The following ADAM22 variants were observed in gnomAD, a reference collection of about 807,000 sequenced individuals.
ADAM22 encodes disintegrin and metalloproteinase domain-containing protein 22.
ADAM22 carries 65 observed loss-of-function variants against 144.6 expected under a neutral mutation model. The ratio of observed to expected loss-of-function variants is 0.45; its 90% CI spans 0.37 to 0.55. The LOEUF is 0.55. Among genes scored for constraint, ADAM22 ranks in the 20% least tolerant of loss-of-function variants. ADAM22 has a pLI of 0.00. For missense variants in ADAM22, 974 were observed against 1,184.9 expected (o/e 0.82, Z 2.61); for synonymous variants, 391 against 412.6 (o/e 0.95, Z 0.63).
At chr7:88,114,517 T>A in intron 5 of ADAM22, 67 bp from the exon 6 acceptor site, 1 of 1,516,990 alleles carries the variant, frequency 6.6e-7, no homozygotes, top group Non-Finnish European at 9.1e-7. Flanking sequence ...TGCTGCTGAT[T>A]TTAAAATGAT....
intron 4 of ADAM22, among the ~76,000 whole-genome samples, chr7:88,103,648 A>G (rs563590104): frequency 6.6e-6 from 1 of 152,324 alleles, no homozygotes; most frequent in African/African-American, 2.4e-5. Context: ...AATAAGGAAT[A>G]AAGCTATGAC....
chr7:88,034,192 G>A (rs1170645797), intron 3 of ADAM22, among the ~76,000 whole-genome samples: 6 of 152,112 alleles, frequency 3.9e-5, no homozygotes, highest in Non-Finnish European at 5.9e-5. Flanking sequence ...CCAGGCCCAC[G>A]GCATGTACTG....
intron 1 of ADAM22, 110 bp downstream of exon 1, chr7:87,934,660 ATTTTTT>A (rs57360340): frequency 6.8e-5 from 48 of 704,810 alleles, no homozygotes; most frequent in African/African-American, 1.9e-4. Flanking sequence ...GCGCGGGGAG[ATTTTTT>A]TTTTTTTTTT....
chr7:88,078,287 G>C (rs1366625646), intron 4 of ADAM22, among the ~76,000 whole-genome samples: 2 of 152,252 alleles, frequency 1.3e-5, no homozygotes, highest in Admixed American at 1.3e-4. Flanking sequence ...TGCAGCTGAG[G>C]GTCCTGACTA....
chr7:87,966,721 GTTTTTTTTTT>G (rs71120012), intron 2 of ADAM22, among the ~76,000 whole-genome samples: 20 of 39,880 alleles, frequency 5.0e-4, no homozygotes, highest in African/African-American at 8.0e-4. Flanking sequence ...AAGGAAAGCC[GTTTTTTTTTT>G]TTTTTTTTTT....
chr7:87,989,543 C>G (rs1164840610), intron 3 of ADAM22, among the ~76,000 whole-genome samples: 1 of 152,132 alleles, frequency 6.6e-6, no homozygotes, highest in Non-Finnish European at 1.5e-5. Flanking sequence ...GCTATATAGC[C>G]TGGTTAGTAG....
intron 3 of ADAM22, among the ~76,000 whole-genome samples, chr7:87,983,585 A>G (rs1854240386): frequency 6.6e-6 from 1 of 152,152 alleles, no homozygotes; most frequent in Non-Finnish European, 1.5e-5. Context: ...TAGTTTGACA[A>G]TAACATGAAT....
At position 87,978,399 on chromosome 7, in the gene ADAM22, G is replaced by A. The variant is rs1852425973; in HGVS notation, c.310G>A (p.Val104Ile). The A allele has an allele frequency of 6.2e-7, 1 of 1,613,598 alleles. No individual in the cohort carries two copies. The highest frequency in any genetic ancestry group is 8.5e-7 in the Non-Finnish European group (1 of 1,179,766). Residue 104 changes from valine (V) to isoleucine (I), a missense_variant, in exon 3 of 32, where the codon GTC (valine) becomes ATC (isoleucine). Physicochemically the swap from Val to Ile is conservative, Grantham distance 29. This residue lies in a region of ADAM22 where 240 missense variants were observed against 234.3 expected (regional missense o/e 1.02). Transcript: ENST00000413139. ...DAFGTSFILDVVLNHDLLSSE... is the reference protein window; with the variant it reads ...DAFGTSFILDIVLNHDLLSSE... Reference sequence around the variant, plus strand: ...CTTTGGAACGTCATTCATTCTCGATGTCGTGCTAAATCAGTAAGTGTTGAG... The same window carrying A: ...CTTTGGAACGTCATTCATTCTCGATATCGTGCTAAATCAGTAAGTGTTGAG...
At chr7:88,054,354 G>A (rs747808091) in intron 3 of ADAM22, among the ~76,000 whole-genome samples, 11 of 151,750 alleles carry the variant, frequency 7.2e-5, no homozygotes, top group Non-Finnish European at 1.5e-4. Flanking sequence ...TGGCTTCCCC[G>A]TAGGGCCCTG....
At chr7:87,966,721 G>T (rs1188117893) in intron 2 of ADAM22, among the ~76,000 whole-genome samples, 79 of 39,872 alleles carry the variant, frequency 2.0e-3, no homozygotes, top group South Asian at 6.7e-3. Flanking sequence ...AAGGAAAGCC[G>T]TTTTTTTTTT....
At chr7:88,062,034 G>T (rs1184399233) in intron 3 of ADAM22, among the ~76,000 whole-genome samples, 1 of 151,704 alleles carries the variant, frequency 6.6e-6, no homozygotes, top group South Asian at 2.1e-4. Context: ...GTAGAGACAG[G>T]GTCCTGCTGT....
At chr7:88,187,960 T>G in intron 30 of ADAM22, among the ~76,000 whole-genome samples, 1 of 151,748 alleles carries the variant, frequency 6.6e-6, no homozygotes, top group Admixed American at 6.6e-5. Flanking sequence ...TGTCCCACAC[T>G]TTCCCACACT....
At chr7:88,144,530 T>G (rs1835767521) in intron 15 of ADAM22, among the ~76,000 whole-genome samples, 1 of 152,198 alleles carries the variant, frequency 6.6e-6, no homozygotes. Context: ...ATACTAATTT[T>G]TTGATGCTTT....
intron 2 of ADAM22, among the ~76,000 whole-genome samples, chr7:87,954,919 G>T (rs547246276): frequency 9.2e-5 from 14 of 152,162 alleles, no homozygotes; most frequent in Non-Finnish European, 1.3e-4. Flanking sequence ...TCTTCCAGTT[G>T]ATCGCATCGG....
rs1201565578 is a variant in ADAM22, at chr7:88,120,979, A to G, written c.607+4165A>G. ...GTTAAGTTTTATTTTATTATTTTGT[A>G]TGTGGATACACAATTATTTTAATAC... On this transcript the variant is annotated intron_variant, in intron 7 of 31. Coordinates refer to ENST00000413139, the MANE Select transcript of ADAM22 (RefSeq NM_001324418.2). 4.6e-5 allele frequency among the ~76,000 whole-genome samples: 7 copies of G among 152,098 alleles called. No homozygotes were observed. The South Asian group carries it at 1.0e-3, about 22-fold the overall frequency.
Position 88,127,490 on chromosome 7 carries a change from AG to A in ADAM22, c.679-1111del, listed in dbSNP as rs1360864218. The stretch of plus-strand genomic sequence containing the variant: ...ACACCCCCCTCCCTTAAAAAAGAAA[AG>A]AAGACTCTCATCATTGGATGCACTT... On this transcript the variant is annotated intron_variant, in intron 8 of 31. Coordinates refer to ENST00000413139, the MANE Select transcript of ADAM22 (RefSeq NM_001324418.2). Among the ~76,000 whole-genome samples the A allele has an allele frequency of 8.5e-5, 13 of 152,170 alleles. No homozygotes were observed. In the South Asian group the frequency reaches 2.5e-3, roughly 29 times the overall value.
chr7:88,107,664 C>G (rs1306122233), intron 4 of ADAM22, among the ~76,000 whole-genome samples: 1 of 152,126 alleles, frequency 6.6e-6, no homozygotes, highest in African/African-American at 2.4e-5. Flanking sequence ...CAGCTCACTG[C>G]AGCCTCAAAC....
At chr7:88,072,285 C>T (rs1374767887) in intron 3 of ADAM22, among the ~76,000 whole-genome samples, 4 of 152,108 alleles carry the variant, frequency 2.6e-5, no homozygotes, top group East Asian at 1.9e-4. Context: ...TAATTACATT[C>T]GTGCAGTGAC....
At chr7:87,960,834 C>T (rs1847852482) in intron 2 of ADAM22, among the ~76,000 whole-genome samples, 1 of 152,082 alleles carries the variant, frequency 6.6e-6, no homozygotes, top group African/African-American at 2.4e-5. Context: ...GTTGCAATTT[C>T]CTGTGATTTG....
Sources: allele counts gnomAD v4.1 joint callset (sites outside exome capture counted in the v4.1 genomes callset), GRCh38; gene constraint gnomAD v4.1.1; regional missense constraint gnomAD v4.1.1; transcripts MANE v1.5; gene names NCBI Gene and HGNC (gene_info 2026-07-23, HGNC 2026-07-21).